The following CATSPERG variants were observed in gnomAD, a reference collection of about 807,000 sequenced individuals.
CATSPERG encodes the protein catsper channel auxiliary subunit gamma.
CATSPERG carries 115 observed loss-of-function variants against 145.0 expected under a neutral mutation model. That is an observed-to-expected ratio of 0.79 (90% CI 0.68 to 0.93). CATSPERG has a LOEUF of 0.93. CATSPERG is among the 40% of genes least tolerant of loss of function. The probability of loss-of-function intolerance (pLI) is 0.00; values close to 1 mark genes in which losing one functional copy is unlikely to be tolerated. For missense variants in CATSPERG, 1,296 were observed against 1,490.1 expected, an observed-to-expected ratio of 0.87 and a Z score of 2.14; for synonymous variants, 588 against 589.0, an observed-to-expected ratio of 1.00 and a Z score of 0.02.
At position 38,370,920 on chromosome 19, in the gene CATSPERG, C is replaced by T; in HGVS notation, c.*128C>T. 9.4e-7 allele frequency: 1 copy of T among 1,060,306 alleles called. No homozygotes were observed. Among genetic ancestry groups the T allele is most frequent in the Non-Finnish European group, 1.4e-6 (1 of 733,338 alleles). The allele number at this position is 1,060,306 out of a possible 1,614,324, so 65.7% of individuals were successfully genotyped here. ...GCTTGATGTTTACTTCTCGTTCAGA[C>T]TCAAATAAAGCCTTTTTTCAGGACC... On this transcript the variant is annotated 3_prime_UTR_variant, in exon 29 of 29. Coordinates refer to ENST00000409235, the MANE Select transcript of CATSPERG (RefSeq NM_021185.5).
At chr19:38,336,090 A>G (rs1283862035) in intron 1 of CATSPERG, 1 of 389,784 alleles carries the variant, frequency 2.6e-6, no homozygotes, top group Admixed American at 2.7e-5. Flanking sequence ...TGAAGGGCGA[A>G]GGGCGGGGCG....
intron 7 of CATSPERG, 39 bp from the exon 8 acceptor site, chr19:38,352,216 GAGGCCA>G: frequency 6.5e-7 from 1 of 1,541,958 alleles, no homozygotes; most frequent in Non-Finnish European, 8.8e-7. Flanking sequence ...CATGGGGGCT[GAGGCCA>G]AGGCCACCTG....
Position 38,358,571 on chromosome 19 carries a change from T to TACC in CATSPERG, c.1496+14_1496+16dup, listed in dbSNP as rs766082586. On this transcript the variant is annotated intron_variant, in intron 13 of 28. Coordinates refer to ENST00000409235, the MANE Select transcript of CATSPERG (RefSeq NM_021185.5). ...ACTTCCTCCTGCAGAGGTGGGCCTC[T>TACC]ACCACCCCTGGGTGGGCCAGGCATA... The TACC allele has an allele frequency of 6.2e-7, 1 of 1,613,916 alleles. No individual in the cohort carries two copies.
intron 3 of CATSPERG, among the ~76,000 whole-genome samples, chr19:38,340,090 G>T (rs1312211921): frequency 6.6e-6 from 1 of 152,098 alleles, no homozygotes; most frequent in Non-Finnish European, 1.5e-5. Context: ...CTGACCTCAG[G>T]TGATCCACCT....
rs142610781 is a variant in CATSPERG at position 38,367,710 on chromosome 19, C to A, written c.2864C>A (p.Pro955His). ...GTTCTGCTGGTGGTGGGTGGCGGGC[C>A]CACACTGGACAGCCTCAAGGACTAC... is the stretch of plus-strand genomic sequence containing the variant. ...SYVLLVVGGGPTLDSLKDYSE... is the reference protein window; with the variant it reads ...SYVLLVVGGGHTLDSLKDYSE... The change falls in exon 25 of 29, where the codon CCC becomes CAC. Residue 955 changes from proline (P) to histidine (H), a missense_variant. Physicochemically the swap from Pro to His is moderately conservative, Grantham distance 77 (BLOSUM62 -2). Transcript: ENST00000409235. 1.4e-5 allele frequency: 22 copies of A among 1,614,006 alleles called. No homozygotes were observed. The Admixed American group carries it at 3.7e-4, about 27-fold the overall frequency.
intron 1 of CATSPERG, 71 bp from the exon 2 acceptor site, chr19:38,337,150 C>T (rs1228192686): frequency 1.3e-6 from 2 of 1,506,680 alleles, no homozygotes; most frequent in South Asian, 1.2e-5. Context: ...GGCGCAGAAG[C>T]GAGGTGGAAT....
rs1970218831 is a variant in CATSPERG at position 38,355,054 on chromosome 19, G to T, written c.1135+207G>T. Among the ~76,000 whole-genome samples the T allele has an allele frequency of 2.6e-5, 4 of 152,182 alleles. No homozygotes were observed. In the South Asian group the frequency reaches 8.3e-4, roughly 32 times the overall value. ...CTTTCATGATGTACTTGGTTTTAAA[G>T]GGCAGAAGAGCTGGGCACAGTGGCT... is the stretch of plus-strand genomic sequence containing the variant. On this transcript the variant is annotated intron_variant, in intron 9 of 28. Transcript: ENST00000409235.
intron 17 of CATSPERG, 65 bp from the exon 18 acceptor site, chr19:38,362,145 G>C (rs1970358683): frequency 6.6e-7 from 1 of 1,523,468 alleles, no homozygotes; most frequent in African/African-American, 1.4e-5. Context: ...GTCTGGGGAT[G>C]CCGCTTGCCT....
intron 6 of CATSPERG, among the ~76,000 whole-genome samples, 174 bp from the exon 7 acceptor site, chr19:38,346,276 T>C (rs955854145): frequency 6.6e-6 from 1 of 152,042 alleles, no homozygotes; most frequent in African/African-American, 2.4e-5. Flanking sequence ...AGAAGAGGCC[T>C]TGTGGCTGGG....
rs1006687139 is a variant in CATSPERG at position 38,335,854 on chromosome 19, A to G, written c.-36A>G. 7 of 202,948 alleles carry G rather than the reference A, an allele frequency of 3.4e-5. No homozygotes were observed. Among genetic ancestry groups the G allele is most frequent in the Non-Finnish European group, 7.0e-5 (7 of 100,392 alleles). The allele number at this position is 202,948 out of a possible 1,614,324, so 12.6% of individuals were successfully genotyped here. ...GACTGGTGCGGCCGAGTGACAGTTGACCGGTTTTAACCAAGTGACTGGTAC... is the reference window on the plus strand; with the variant it reads ...GACTGGTGCGGCCGAGTGACAGTTGGCCGGTTTTAACCAAGTGACTGGTAC... On this transcript the variant is annotated 5_prime_UTR_variant, in exon 1 of 29. Transcript: ENST00000409235.
chr19:38,349,158 G>T (rs969685186), intron 7 of CATSPERG: 3 of 151,876 alleles, frequency 2.0e-5, no homozygotes, highest in African/African-American at 7.3e-5. Context: ...TTTTGTCATG[G>T]TCTCACTTTC....
At position 38,341,903 on chromosome 19, in the gene CATSPERG, G is replaced by A. The variant is rs1325913417; in HGVS notation, c.325-1677G>A. ...GGCAACAAGTGCAAAACTCCGTCTC[G>A]GAAAAAAAATAAAAAATAAAAAAAT... On this transcript the variant is annotated intron_variant, in intron 3 of 28. Coordinates refer to ENST00000409235, the MANE Select transcript of CATSPERG (RefSeq NM_021185.5). 3.3e-5 allele frequency among the ~76,000 whole-genome samples: 5 copies of A among 150,164 alleles called. No homozygotes were observed. The South Asian group carries it at 6.3e-4, about 19-fold the overall frequency.
chr19:38,355,264 G>C (rs1600467064), intron 9 of CATSPERG, among the ~76,000 whole-genome samples: 2 of 152,150 alleles, frequency 1.3e-5, no homozygotes, highest in South Asian at 4.1e-4. Context: ...AGAGTCACTT[G>C]AACCCAGGAG....
In CATSPERG at chr19:38,359,857, A is replaced by G. The variant is rs1280045435; in HGVS notation, c.1608+276A>G. On this transcript the variant is annotated intron_variant, in intron 14 of 28. Coordinates refer to ENST00000409235, the MANE Select transcript of CATSPERG (RefSeq NM_021185.5). ...TTCACTTCATAAATATTGAGCATTT[A>G]CTGTGTGCCTGCCCCCGTGCTGGAG... 4.3e-6 allele frequency: 5 copies of G among 1,166,938 alleles called. No homozygotes were observed. In the African/African-American group the frequency reaches 7.9e-5, roughly 19 times the overall value. 72.3% of individuals were successfully genotyped at this position (1,166,938 alleles called of 1,614,324 possible). A position where few individuals can be genotyped will look rare whatever the true frequency, so the allele number is the denominator to read the frequency against.
intron 26 of CATSPERG, 52 bp from the exon 27 acceptor site, chr19:38,369,920 G>A (rs1316349657): frequency 2.6e-6 from 4 of 1,563,966 alleles, no homozygotes; most frequent in Non-Finnish European, 3.5e-6. Flanking sequence ...ATTGGGAGTT[G>A]GCACAGACTA....
chr19:38,357,724 G>A (rs1970270833), intron 11 of CATSPERG, among the ~76,000 whole-genome samples: 1 of 152,102 alleles, frequency 6.6e-6, no homozygotes, highest in Admixed American at 6.6e-5. Context: ...GGCCGAGGCG[G>A]GGGGATCACC....
At chr19:38,364,296 G>T (rs1015915759) in intron 20 of CATSPERG, among the ~76,000 whole-genome samples, 1 of 152,006 alleles carries the variant, frequency 6.6e-6, no homozygotes, top group Non-Finnish European at 1.5e-5. Context: ...AGGGCGGCTG[G>T]GCAGAGACGC....
intron 3 of CATSPERG, among the ~76,000 whole-genome samples, chr19:38,339,128 T>C (rs1969895048): frequency 6.6e-6 from 1 of 152,072 alleles, no homozygotes; most frequent in African/African-American, 2.4e-5. Context: ...GTGGTGAGAA[T>C]GTGGAGGTCA....
chr19:38,368,101 C>A lies in CATSPERG; in HGVS notation c.2984C>A (p.Ala995Asp), dbSNP rs781217081. ...ACCACAAGGACCACCAAAGACTCAGCCTTTCACATCATGTCCCACGAGAGC... is the reference window on the plus strand; with the variant it reads ...ACCACAAGGACCACCAAAGACTCAGACTTTCACATCATGTCCCACGAGAGC... ...TRTTRTTKDS[A>D]FHIMSHESPG... The change falls in exon 26 of 29, where the codon GCC (alanine) becomes GAC (aspartate). Residue 995 changes from alanine (A) to aspartate (D), a missense_variant. Ala to Asp is a moderately radical substitution (Grantham distance 126). Coordinates refer to ENST00000409235, the MANE Select transcript of CATSPERG (RefSeq NM_021185.5). 4 of 1,614,174 alleles carry A rather than the reference C, an allele frequency of 2.5e-6. No homozygotes were observed. The East Asian group carries it at 6.7e-5, about 27-fold the overall frequency.
Sources: allele counts gnomAD v4.1 joint callset (sites outside exome capture counted in the v4.1 genomes callset), GRCh38; gene constraint gnomAD v4.1.1; transcripts MANE v1.5; gene names NCBI Gene and HGNC (gene_info 2026-07-23, HGNC 2026-07-21).